SAXO1: variants seen among roughly 807,000 people sequenced by gnomAD.
SAXO1 encodes stabilizer of axonemal microtubules 1.
Under a neutral mutation model 17.5 loss-of-function variants are expected in SAXO1, and 21 were observed. That is an observed-to-expected ratio of 1.20 (90% CI 0.85 to 1.72). The LOEUF (loss-of-function observed/expected upper bound fraction) is 1.72, where lower values mean the gene tolerates loss of function less well. Among genes scored for constraint, SAXO1 ranks in the 40% most tolerant of loss-of-function variants. The pLI is 0.00. For missense variants in SAXO1, 843 were observed against 596.0 expected (o/e 1.41, Z -4.32); for synonymous variants, 274 against 216.5 (o/e 1.27, Z -2.33).
chr9:18,990,947 T>A (rs1201719403), intron 1 of SAXO1, among the ~76,000 whole-genome samples: 1 of 152,104 alleles, frequency 6.6e-6, no homozygotes, highest in Non-Finnish European at 1.5e-5. Context: ...TATATTACAA[T>A]ATAATAATGA....
chr9:19,005,323 C>T (rs1834440902), intron 1 of SAXO1, among the ~76,000 whole-genome samples: 1 of 151,666 alleles, frequency 6.6e-6, no homozygotes, highest in Non-Finnish European at 1.5e-5. Flanking sequence ...CTGAAATAAT[C>T]TTGGAGAAAA....
In SAXO1 at chr9:18,983,224, G is replaced by A. The variant is rs555682013; in HGVS notation, c.39-32287C>T. On this transcript the variant is annotated intron_variant, in intron 1 of 3. Transcript: ENST00000380534. ...TTCTGCAATGGCTGGGGAGGCCTCAGGAAACTTAAAATCATGGCAGAAGGT... is the reference window on the plus strand; with the variant it reads ...TTCTGCAATGGCTGGGGAGGCCTCAAGAAACTTAAAATCATGGCAGAAGGT... Among the ~76,000 whole-genome samples, 48 of 152,276 alleles carry A rather than the reference G, an allele frequency of 3.2e-4. No individual in the cohort carries two copies. In the South Asian group the frequency reaches 9.5e-3, roughly 30 times the overall value.
chr9:18,943,679 T>G (rs1375677462), intron 2 of SAXO1, among the ~76,000 whole-genome samples: 1 of 152,208 alleles, frequency 6.6e-6, no homozygotes, highest in Non-Finnish European at 1.5e-5. Context: ...CACACATTCC[T>G]AAACCCTTAT....
rs1830839439 is a variant in SAXO1, at chr9:18,928,065, TC to T, written c.1411del (p.Glu471LysfsTer3). ...TATTTTTCAAAATCAGGCTAACACT[TC>T]CAACTCCCTCTGGTTGGGGTTTTCT... is the stretch of plus-strand genomic sequence containing the variant. The part of the protein sequence containing the change: ...DSENPNQREL[E>X]VLA On this transcript the variant is annotated frameshift_variant, in exon 4 of 4. Transcript: ENST00000380534. LOFTEE classifies it high-confidence loss of function. The T allele has an allele frequency of 6.2e-7, 1 of 1,601,560 alleles. No individual in the cohort carries two copies. Among genetic ancestry groups the T allele is most frequent in the Non-Finnish European group, 8.5e-7 (1 of 1,170,952 alleles).
intron 3 of SAXO1, among the ~76,000 whole-genome samples, chr9:18,931,002 C>T (rs908367258): frequency 2.0e-5 from 3 of 152,236 alleles, no homozygotes; most frequent in African/African-American, 7.2e-5. Context: ...TAGTGGAGTC[C>T]GCAGGCACAA....
At chr9:19,044,916 A>G (rs914228466) in intron 1 of SAXO1, among the ~76,000 whole-genome samples, 1 of 152,114 alleles carries the variant, frequency 6.6e-6, no homozygotes. Context: ...CCAAGGAGCA[A>G]CATTTTTACC....
At chr9:19,023,053 C>T (rs2131024400) in intron 1 of SAXO1, among the ~76,000 whole-genome samples, 1 of 152,158 alleles carries the variant, frequency 6.6e-6, no homozygotes, top group East Asian at 1.9e-4. Context: ...GGGCAGAGAG[C>T]CTCCCAGAGT....
intron 1 of SAXO1, among the ~76,000 whole-genome samples, chr9:18,993,078 G>A (rs1319542402): frequency 1.3e-5 from 2 of 152,016 alleles, no homozygotes; most frequent in African/African-American, 4.8e-5. Context: ...GAGATTACTG[G>A]TGTGGGCCAC....
intron 1 of SAXO1, among the ~76,000 whole-genome samples, chr9:18,987,170 G>A (rs1218600256): frequency 6.6e-6 from 1 of 152,188 alleles, no homozygotes; most frequent in African/African-American, 2.4e-5. Context: ...TGTTACTGGA[G>A]ACAGTGTCAT....
intron 1 of SAXO1, among the ~76,000 whole-genome samples, chr9:18,989,269 T>C (rs1936494190): frequency 6.6e-6 from 1 of 152,174 alleles, no homozygotes; most frequent in South Asian, 2.1e-4. Flanking sequence ...TGCTTTTAAG[T>C]GAAACTGAAG....
Position 18,928,782 on chromosome 9 carries a change from A to T in SAXO1, c.695T>A (p.Ile232Asn). 6.2e-7 allele frequency: 1 copy of T among 1,613,928 alleles called. No homozygotes were observed. The highest frequency in any genetic ancestry group is 8.5e-7 in the Non-Finnish European group (1 of 1,180,006). The change falls in exon 4 of 4, where the codon ATC becomes AAC. Residue 232 changes from isoleucine to asparagine, a missense_variant. Ile to Asn is a moderately radical substitution (Grantham distance 149). Transcript: ENST00000380534. Reference protein sequence around the residue: ...HEAEKFRPCEIPFESLTTQKQ... With the variant: ...HEAEKFRPCENPFESLTTQKQ... Reference sequence around the variant, plus strand: ...TTGAGTGGTAAGGCTTTCAAAGGGGATTTCACAGGGCCTGAACTTCTCTGC... The same window carrying T: ...TTGAGTGGTAAGGCTTTCAAAGGGGTTTTCACAGGGCCTGAACTTCTCTGC...
intron 1 of SAXO1, among the ~76,000 whole-genome samples, chr9:19,039,777 G>A (rs1490003065): frequency 1.3e-5 from 2 of 152,172 alleles, no homozygotes; most frequent in African/African-American, 4.8e-5. Context: ...CCCCCAGGCT[G>A]GAGTGTGATG....
intron 1 of SAXO1, among the ~76,000 whole-genome samples, chr9:19,019,516 G>C (rs142398890): frequency 6.6e-6 from 1 of 152,036 alleles, no homozygotes; most frequent in Non-Finnish European, 1.5e-5. Context: ...TTACCTTGAG[G>C]TCAGGAGTTT....
Position 18,927,864 on chromosome 9 carries a change from G to T in SAXO1, c.*188C>A. ...AGGAGAAGGTAAGGGGAGTTAATTA[G>T]CCGGTGATTAAATGTCATTTTCCCT... is the stretch of plus-strand genomic sequence containing the variant. On this transcript the variant is annotated 3_prime_UTR_variant, in exon 4 of 4. Transcript: ENST00000380534. 1 of 592,902 alleles carries T rather than the reference G, an allele frequency of 1.7e-6. No individual in the cohort carries two copies. The highest frequency in any genetic ancestry group is 2.8e-6 in the Non-Finnish European group (1 of 357,784). 36.7% of individuals were successfully genotyped at this position (592,902 alleles called of 1,614,324 possible). A position where few individuals can be genotyped will look rare whatever the true frequency, so the allele number is the denominator to read the frequency against.
At chr9:19,010,514 C>T (rs1446414630) in intron 1 of SAXO1, among the ~76,000 whole-genome samples, 3 of 151,876 alleles carry the variant, frequency 2.0e-5, no homozygotes, top group African/African-American at 7.3e-5. Context: ...CTTTTAGAAC[C>T]TGGCCAAGAA....
intron 1 of SAXO1, among the ~76,000 whole-genome samples, chr9:18,969,511 T>C (rs1039959144): frequency 6.6e-6 from 1 of 152,198 alleles, no homozygotes; most frequent in Non-Finnish European, 1.5e-5. Flanking sequence ...CATGACCCAC[T>C]ATCTCACCCC....
chr9:19,021,969 A>C (rs1008834944), intron 1 of SAXO1, among the ~76,000 whole-genome samples: 1 of 152,264 alleles, frequency 6.6e-6, no homozygotes, highest in Non-Finnish European at 1.5e-5. Context: ...CAACCTGCTC[A>C]GCAGTGGCAA....
At position 18,996,300 on chromosome 9, in the gene SAXO1, G is replaced by C. The variant is rs181210031; in HGVS notation, c.38+36571C>G. Among the ~76,000 whole-genome samples, 10 of 152,206 alleles carry C rather than the reference G, an allele frequency of 6.6e-5. No individual in the cohort carries two copies. In the East Asian group the frequency reaches 1.7e-3, roughly 26 times the overall value. ...TACAGCCATCCACCACTTAATGACAGGGATACATTCTGAGAAATGCATCAT... is the reference window on the plus strand; with the variant it reads ...TACAGCCATCCACCACTTAATGACACGGATACATTCTGAGAAATGCATCAT... On this transcript the variant is annotated intron_variant, in intron 1 of 3. Coordinates refer to ENST00000380534, the MANE Select transcript of SAXO1 (RefSeq NM_153707.4).
chr9:18,951,498 C>CT (rs1395882573), intron 1 of SAXO1, among the ~76,000 whole-genome samples: 67 of 152,326 alleles, frequency 4.4e-4, no homozygotes, highest in Non-Finnish European at 1.8e-4. Context: ...TGTGAAACCA[C>CT]TTTCACATTG....
Sources: allele counts gnomAD v4.1 joint callset (sites outside exome capture counted in the v4.1 genomes callset), GRCh38; gene constraint gnomAD v4.1.1; transcripts MANE v1.5; gene names NCBI Gene and HGNC (gene_info 2026-07-23, HGNC 2026-07-21).